Variants in EEFSEC observed in about 807,000 individuals in gnomAD.
EEFSEC encodes selenocysteine-specific elongation factor.
A neutral mutation model predicts 42.1 loss-of-function variants in EEFSEC; 43 were observed. The ratio of observed to expected loss-of-function variants is 1.02; its 90% confidence interval spans 0.80 to 1.32. EEFSEC has a LOEUF of 1.32. Ranked by LOEUF, EEFSEC falls within the 40% of genes most tolerant of loss-of-function variation. The pLI, the probability that EEFSEC is intolerant of heterozygous loss-of-function variation, is 0.00. For missense variants in EEFSEC, 745 were observed against 803.6 expected (o/e 0.93, Z 0.88); for synonymous variants, 354 against 339.1 (o/e 1.04, Z -0.48).
At chr3:128,237,465 A>G (rs902008950) in intron 1 of EEFSEC, among the ~76,000 whole-genome samples, 5 of 151,970 alleles carry the variant, frequency 3.3e-5, no homozygotes, top group African/African-American at 7.3e-5. Flanking sequence ...TTTTATTTTT[A>G]TCTAGATGGC....
intron 4 of EEFSEC, among the ~76,000 whole-genome samples, chr3:128,278,330 T>C (rs1455333797): frequency 6.6e-6 from 1 of 152,206 alleles, no homozygotes; most frequent in East Asian, 1.9e-4. Flanking sequence ...GGACTAGATA[T>C]AGGGACAGTG....
intron 1 of EEFSEC, among the ~76,000 whole-genome samples, chr3:128,201,842 A>G (rs1031241646): frequency 1.3e-5 from 2 of 152,228 alleles, no homozygotes; most frequent in Admixed American, 6.5e-5. Flanking sequence ...TAGCGTTTGC[A>G]TTTAGTCCTG....
chr3:128,176,421 A>T (rs1274974767), intron 1 of EEFSEC, among the ~76,000 whole-genome samples: 1 of 152,066 alleles, frequency 6.6e-6, no homozygotes, highest in African/African-American at 2.4e-5. Context: ...ACCAGAAGAC[A>T]CACACCAGAA....
intron 4 of EEFSEC, among the ~76,000 whole-genome samples, chr3:128,277,566 T>A (rs958594151): frequency 6.6e-6 from 1 of 152,194 alleles, no homozygotes; most frequent in African/African-American, 2.4e-5. Flanking sequence ...TGTCTGTGAG[T>A]GACAGCTGTG....
At chr3:128,371,087 A>G (rs1576679017) in intron 6 of EEFSEC, among the ~76,000 whole-genome samples, 1 of 152,190 alleles carries the variant, frequency 6.6e-6, no homozygotes, top group Non-Finnish European at 1.5e-5. Context: ...CCTTTGATAT[A>G]TATAAAATGA....
intron 1 of EEFSEC, among the ~76,000 whole-genome samples, chr3:128,203,354 G>T (rs2065661742): frequency 6.6e-6 from 1 of 152,192 alleles, no homozygotes; most frequent in Admixed American, 6.5e-5. Context: ...ATCATGATAG[G>T]CTATTTCCTT....
chr3:128,208,252 A>G (rs987192062), intron 1 of EEFSEC, among the ~76,000 whole-genome samples: 4 of 152,200 alleles, frequency 2.6e-5, no homozygotes, highest in Admixed American at 6.5e-5. Flanking sequence ...CTGTTAGCAC[A>G]CTAAGAGTTT....
chr3:128,208,652 T>A (rs529632266), intron 1 of EEFSEC, among the ~76,000 whole-genome samples: 206 of 152,310 alleles, frequency 1.4e-3, no homozygotes, highest in African/African-American at 4.5e-3. Context: ...TTGAGTGGAT[T>A]GCTATGTCTG....
intron 4 of EEFSEC, among the ~76,000 whole-genome samples, chr3:128,318,862 C>T (rs1254472369): frequency 6.6e-6 from 1 of 152,234 alleles, no homozygotes; most frequent in Non-Finnish European, 1.5e-5. Context: ...GGGCCAGGCA[C>T]CTGCGTGTAC....
At chr3:128,243,666 G>A (rs1172170113) in intron 1 of EEFSEC, among the ~76,000 whole-genome samples, 2 of 152,174 alleles carry the variant, frequency 1.3e-5, no homozygotes, top group East Asian at 3.8e-4. Flanking sequence ...AGTGAACCTG[G>A]GGCAGGTGTT....
intron 1 of EEFSEC, among the ~76,000 whole-genome samples, chr3:128,207,566 TACACACACACAC>T (rs10574435): frequency 7.7e-5 from 11 of 142,576 alleles, no homozygotes; most frequent in African/African-American, 2.1e-4. Flanking sequence ...ACACATTGCA[TACACACACACAC>T]ACACACACAC....
intron 1 of EEFSEC, among the ~76,000 whole-genome samples, chr3:128,185,014 A>AC (rs2065450310): frequency 6.6e-6 from 1 of 152,184 alleles, no homozygotes; most frequent in African/African-American, 2.4e-5. Flanking sequence ...CAGCTTGGGT[A>AC]ACGGAGCGAG....
At chr3:128,307,766 C>T (rs1194071725) in intron 4 of EEFSEC, among the ~76,000 whole-genome samples, 1 of 152,250 alleles carries the variant, frequency 6.6e-6, no homozygotes, top group African/African-American at 2.4e-5. Context: ...GCAATACTTT[C>T]ACCTGTGTGA....
In EEFSEC at chr3:128,401,791, G is replaced by A. The variant is rs563148498; in HGVS notation, c.1601-6278G>A. 1.6e-3 allele frequency among the ~76,000 whole-genome samples: 241 copies of A among 152,236 alleles called. 5 individuals are homozygous for A. In the South Asian group the frequency reaches 0.029, roughly 18 times the overall value. On this transcript the variant is annotated intron_variant, in intron 6 of 6. Transcript: ENST00000254730. ...GGGCTGGAGGACGGTGGATTCCTGC[G>A]CCCACACCTCCCAGTCGTTGCCCTT... is the stretch of plus-strand genomic sequence containing the variant.
At chr3:128,297,505 A>G (rs902359261) in intron 4 of EEFSEC, among the ~76,000 whole-genome samples, 2 of 152,186 alleles carry the variant, frequency 1.3e-5, no homozygotes, top group Non-Finnish European at 2.9e-5. Context: ...AATCCCAGCT[A>G]TGAGAGCAGT....
At chr3:128,299,896 A>G (rs2066748400) in intron 4 of EEFSEC, among the ~76,000 whole-genome samples, 1 of 152,218 alleles carries the variant, frequency 6.6e-6, no homozygotes, top group Non-Finnish European at 1.5e-5. Flanking sequence ...TGCACTCTTG[A>G]GGTGTGATCC....
chr3:128,310,531 G>A (rs982266000), intron 4 of EEFSEC, among the ~76,000 whole-genome samples: 3 of 152,222 alleles, frequency 2.0e-5, no homozygotes, highest in African/African-American at 7.2e-5. Context: ...GGCCCACAGA[G>A]AGAGTCATGC....
At chr3:128,308,361 G>A (rs2108015349) in intron 4 of EEFSEC, among the ~76,000 whole-genome samples, 1 of 152,338 alleles carries the variant, frequency 6.6e-6, no homozygotes, top group African/African-American at 2.4e-5. Flanking sequence ...CAGGGGAGGG[G>A]GAATTGGGAG....
chr3:128,250,911 G>GTTTTTTTTTTTTTTTTTT (rs35594175), intron 2 of EEFSEC, among the ~76,000 whole-genome samples: 1 of 108,596 alleles, frequency 9.2e-6, no homozygotes, highest in Admixed American at 1.0e-4. Context: ...GTTTTTTTTG[G>GTTTTTTTTTTTTTTTTTT]TTTTTTTTTT....
Sources: allele counts gnomAD v4.1 joint callset (sites outside exome capture counted in the v4.1 genomes callset), GRCh38; gene constraint gnomAD v4.1.1; transcripts MANE v1.5; gene names NCBI Gene and HGNC (gene_info 2026-07-23, HGNC 2026-07-21).